Variants in PSTPIP1 observed in about 807,000 individuals in gnomAD.
PSTPIP1 encodes the protein proline-serine-threonine phosphatase-interacting protein 1.
In PSTPIP1, 66 loss-of-function variants were observed where a neutral mutation model predicts 69.6. The ratio of observed to expected loss-of-function variants is 0.95; its 90% CI spans 0.78 to 1.16. The LOEUF (loss-of-function observed/expected upper bound fraction) is 1.16. Among genes scored for constraint, PSTPIP1 ranks in the 50% most tolerant of loss-of-function variants. PSTPIP1 has a pLI of 0.00. For missense variants in PSTPIP1, 603 were observed against 557.4 expected, an observed-to-expected ratio of 1.08 and a Z score of -0.82; for synonymous variants, 266 against 222.7, an observed-to-expected ratio of 1.19 and a Z score of -1.73.
At chr15:77,032,446 G>A (rs1252937147) in intron 11 of PSTPIP1, 52 bp downstream of exon 11, 3 of 1,585,142 alleles carry the variant, frequency 1.9e-6, no homozygotes, top group Non-Finnish European at 2.6e-6. Context: ...GAGCCCCTGG[G>A]AAGGCCCGGC....
At chr15:77,012,056 A>G (rs927314021) in intron 1 of PSTPIP1, among the ~76,000 whole-genome samples, 3 of 150,684 alleles carry the variant, frequency 2.0e-5, no homozygotes, top group African/African-American at 4.9e-5. Context: ...TTCCCTCCCT[A>G]TCACCTCCTC....
In PSTPIP1 at chr15:77,032,926, A is replaced by C. The variant is rs1204126717; in HGVS notation, c.903A>C (p.Ile301=). ...EVTPLTSSPG[I]QPSCGMIKRF... is the part of the protein sequence containing the mutation. ...CCCCGCTGACCAGCAGCCCTGGCAT[A>C]CAGCCGTCCTGCGGCATGATAAAGA... Residue 301 remains isoleucine (I), a synonymous_variant, in exon 12 of 15, where the codon ATA becomes ATC. Transcript: ENST00000558012. 6.2e-7 allele frequency: 1 copy of C among 1,605,490 alleles called. No homozygotes were observed.
At chr15:76,997,495 A>T (rs2075606561) in intron 1 of PSTPIP1, among the ~76,000 whole-genome samples, 1 of 152,232 alleles carries the variant, frequency 6.6e-6, no homozygotes, top group South Asian at 2.1e-4. Flanking sequence ...CTCAAGATGT[A>T]TGCATATTCA....
chr15:77,014,961 G>A (rs916567374), intron 1 of PSTPIP1, among the ~76,000 whole-genome samples: 2 of 152,208 alleles, frequency 1.3e-5, no homozygotes, highest in African/African-American at 4.8e-5. Flanking sequence ...CCTCCCAGAG[G>A]AAGAGACTGT....
At chr15:77,036,404 G>A (rs1027019386) in intron 14 of PSTPIP1, among the ~76,000 whole-genome samples, 4 of 152,188 alleles carry the variant, frequency 2.6e-5, no homozygotes, top group African/African-American at 9.7e-5. Context: ...GTGGAAAACT[G>A]TGGCCAGAAT....
intron 1 of PSTPIP1, among the ~76,000 whole-genome samples, chr15:77,013,200 G>T (rs1011842992): frequency 2.0e-5 from 3 of 152,188 alleles, no homozygotes; most frequent in African/African-American, 7.2e-5. Context: ...CCCACCTGTG[G>T]CCCATGCTGG....
intron 14 of PSTPIP1, among the ~76,000 whole-genome samples, chr15:77,036,182 A>C (rs1412839975): frequency 4.6e-5 from 7 of 152,102 alleles, no homozygotes; most frequent in Admixed American, 3.9e-4. Flanking sequence ...GCATGTACTG[A>C]CTGGAAGCTG....
intron 1 of PSTPIP1, among the ~76,000 whole-genome samples, chr15:77,009,976 G>A (rs941828730): frequency 1.3e-5 from 2 of 152,170 alleles, no homozygotes; most frequent in Admixed American, 1.3e-4. Flanking sequence ...GAGTCCATTC[G>A]GCAAGGAGCC....
intron 3 of PSTPIP1, among the ~76,000 whole-genome samples, chr15:77,018,786 C>T (rs1327737021): frequency 2.0e-5 from 3 of 152,146 alleles, no homozygotes; most frequent in African/African-American, 4.8e-5. Flanking sequence ...TCATTTGCAG[C>T]GCAGTCTGCA....
chr15:77,011,241 A>G (rs908078411), intron 1 of PSTPIP1, among the ~76,000 whole-genome samples: 23 of 152,352 alleles, frequency 1.5e-4, no homozygotes, highest in African/African-American at 5.5e-4. Context: ...GAGGGCAGGT[A>G]CCACACTCAT....
At chr15:77,005,145 AGGCCAAGGTG>A (rs2075790589) in intron 1 of PSTPIP1, among the ~76,000 whole-genome samples, 1 of 152,160 alleles carries the variant, frequency 6.6e-6, no homozygotes, top group Non-Finnish European at 1.5e-5. Flanking sequence ...GCAGTTTGGG[AGGCCAAGGTG>A]GGCAGATCAC....
chr15:77,000,920 AT>A lies in PSTPIP1; in HGVS notation c.36+5316del, dbSNP rs2075694673. On this transcript the variant is annotated intron_variant, in intron 1 of 14. Transcript: ENST00000558012. ...ACACATAAAATGTACCATCTTAACC[AT>A]TTTTGTGGTGTATGGTTCAGTAGCG... 3.3e-5 allele frequency among the ~76,000 whole-genome samples: 5 copies of A among 151,702 alleles called. No homozygotes were observed. The South Asian group carries it at 1.0e-3, about 32-fold the overall frequency.
At chr15:77,034,395 G>A (rs1047387216) in intron 12 of PSTPIP1, among the ~76,000 whole-genome samples, 5 of 152,032 alleles carry the variant, frequency 3.3e-5, no homozygotes, top group Admixed American at 2.6e-4. Context: ...TCCACCCTGC[G>A]CATGTGTGTG....
At chr15:77,020,312 G>A (rs2076135645) in intron 3 of PSTPIP1, among the ~76,000 whole-genome samples, 1 of 152,146 alleles carries the variant, frequency 6.6e-6, no homozygotes, top group African/African-American at 2.4e-5. Flanking sequence ...GCCCTGGATG[G>A]TCCTCCCTGT....
intron 12 of PSTPIP1, 103 bp downstream of exon 12, chr15:77,033,055 T>A: frequency 1.7e-6 from 2 of 1,166,708 alleles, no homozygotes; most frequent in Non-Finnish European, 1.2e-6. Flanking sequence ...GCACCTACTA[T>A]GTGTCTGTAT....
At chr15:77,029,427 C>T in intron 7 of PSTPIP1, 102 bp from the exon 8 acceptor site, 1 of 1,401,286 alleles carries the variant, frequency 7.1e-7, no homozygotes, top group Non-Finnish European at 9.8e-7. Context: ...GAATGTTCCC[C>T]CCAGGGTGGC....
At chr15:77,028,723 C>G in intron 7 of PSTPIP1, 71 bp downstream of exon 7, 1 of 1,281,658 alleles carries the variant, frequency 7.8e-7, no homozygotes, top group South Asian at 1.5e-5. Flanking sequence ...GAAGGGGTGC[C>G]GTAGACACCC....
intron 1 of PSTPIP1, among the ~76,000 whole-genome samples, chr15:77,009,027 C>T (rs2075878697): frequency 6.6e-6 from 1 of 152,142 alleles, no homozygotes; most frequent in South Asian, 2.1e-4. Flanking sequence ...CCTGGGGAGC[C>T]CCTCAACTCT....
At position 77,032,923 on chromosome 15, in the gene PSTPIP1, C is replaced by T; in HGVS notation, c.900C>T (p.Gly300=). Residue 300 remains glycine (G), a synonymous_variant, in exon 12 of 15, where the codon GGC becomes GGT. Transcript: ENST00000558012. ...TCACCCCGCTGACCAGCAGCCCTGGCATACAGCCGTCCTGCGGCATGATAA... is the reference window on the plus strand; with the variant it reads ...TCACCCCGCTGACCAGCAGCCCTGGTATACAGCCGTCCTGCGGCATGATAA... ...REVTPLTSSP[G]IQPSCGMIKR... 1 of 1,605,526 alleles carries T rather than the reference C, an allele frequency of 6.2e-7. No homozygotes were observed. The highest frequency in any genetic ancestry group is 8.5e-7 in the Non-Finnish European group (1 of 1,176,548).
Sources: allele counts gnomAD v4.1 joint callset (sites outside exome capture counted in the v4.1 genomes callset), GRCh38; gene constraint gnomAD v4.1.1; transcripts MANE v1.5; gene names NCBI Gene and HGNC (gene_info 2026-07-23, HGNC 2026-07-21).